Variants in OPCML observed in about 807,000 individuals in gnomAD.
OPCML encodes opioid binding protein/cell adhesion molecule like.
OPCML carries 13 observed loss-of-function variants against 37.8 expected under a neutral mutation model. That is an observed-to-expected ratio of 0.34 (90% CI 0.22 to 0.55). The LOEUF (loss-of-function observed/expected upper bound fraction) is 0.55, where lower values mean the gene tolerates loss of function less well. Ranked by LOEUF, OPCML falls within the 20% of genes least tolerant of loss-of-function variation. The pLI, the probability that OPCML is intolerant of heterozygous loss-of-function variation, is 0.91. For synonymous variants in OPCML, 176 were observed against 168.8 expected, an observed-to-expected ratio of 1.04 and a Z score of -0.33; for missense variants, 341 against 435.6, an observed-to-expected ratio of 0.78 and a Z score of 1.93.
At chr11:133,482,136 T>C (rs1947385121) in intron 1 of OPCML, among the ~76,000 whole-genome samples, 1 of 152,070 alleles carries the variant, frequency 6.6e-6, no homozygotes, top group African/African-American at 2.4e-5. Flanking sequence ...TAACTGAAAA[T>C]TCAGGGAACC....
At chr11:132,529,015 C>A (rs1181741204) in intron 4 of OPCML, 46 bp downstream of exon 4, 13 of 1,259,286 alleles carry the variant, frequency 1.0e-5, no homozygotes, top group Middle Eastern at 1.9e-4. Flanking sequence ...AGAGCCAAGA[C>A]TTTAACATAC....
At chr11:132,484,392 G>A (rs1217150778) in intron 4 of OPCML, among the ~76,000 whole-genome samples, 1 of 152,150 alleles carries the variant, frequency 6.6e-6, no homozygotes, top group African/African-American at 2.4e-5. Context: ...CAGTTAGAAT[G>A]GCAATCATTA....
chr11:132,898,914 T>G (rs1205486906), intron 2 of OPCML, among the ~76,000 whole-genome samples: 2 of 145,324 alleles, frequency 1.4e-5, no homozygotes. Context: ...GCTGACTGGG[T>G]GACTGATCCG....
chr11:132,881,581 C>A (rs2725425), intron 2 of OPCML, among the ~76,000 whole-genome samples: 7,863 of 151,056 alleles, frequency 0.052, 343 homozygotes, highest in South Asian at 0.14. Flanking sequence ...TAGGGCCAGG[C>A]TTTGTACTAA....
In OPCML at chr11:132,525,414, A is replaced by G. The variant is rs979777980; in HGVS notation, c.505+3647T>C. Among the ~76,000 whole-genome samples, 5 of 152,322 alleles carry G rather than the reference A, an allele frequency of 3.3e-5. No homozygotes were observed. The South Asian group carries it at 6.2e-4, about 19-fold the overall frequency. ...GTTTATAGATCCCCAAATTTAAATC[A>G]TATATTTCAAATATTGCATTAGCTA... On this transcript the variant is annotated intron_variant, in intron 4 of 7. Coordinates refer to ENST00000524381, the MANE Select transcript of OPCML (RefSeq NM_001012393.5).
chr11:133,525,675 G>A (rs1394569098), intron 1 of OPCML, among the ~76,000 whole-genome samples: 1 of 152,150 alleles, frequency 6.6e-6, no homozygotes, highest in African/African-American at 2.4e-5. Context: ...TAACTCCCAA[G>A]TGTGGTAAAA....
At chr11:132,435,096 G>T in intron 7 of OPCML, 1 of 958,720 alleles carries the variant, frequency 1.0e-6, no homozygotes, top group Non-Finnish European at 1.5e-6. Flanking sequence ...TTTGAAGTAG[G>T]CTAAAACTCA....
At chr11:132,788,886 C>T (rs1296473750) in intron 2 of OPCML, among the ~76,000 whole-genome samples, 1 of 151,526 alleles carries the variant, frequency 6.6e-6, no homozygotes, top group Non-Finnish European at 1.5e-5. Flanking sequence ...GATTAAACCT[C>T]ATGGCAGCTT....
intron 4 of OPCML, among the ~76,000 whole-genome samples, chr11:132,497,853 T>C (rs1045232894): frequency 6.6e-6 from 1 of 152,178 alleles, no homozygotes; most frequent in East Asian, 1.9e-4. Context: ...CAATGCTATA[T>C]GAAAATGGGA....
chr11:133,431,865 AACTT>A (rs151236871), intron 1 of OPCML, among the ~76,000 whole-genome samples: 2,177 of 150,496 alleles, frequency 0.014, 54 homozygotes, highest in African/African-American at 0.05. Context: ...ATGGTTTTGC[AACTT>A]ACTTTTTTCA....
intron 2 of OPCML, among the ~76,000 whole-genome samples, chr11:132,706,666 C>T (rs1027350829): frequency 3.3e-5 from 5 of 152,088 alleles, no homozygotes; most frequent in Non-Finnish European, 7.4e-5. Flanking sequence ...ACACCACGCC[C>T]CTAAGAGCCC....
chr11:132,595,290 T>A (rs190432467), intron 3 of OPCML, among the ~76,000 whole-genome samples: 104 of 152,136 alleles, frequency 6.8e-4, no homozygotes, highest in African/African-American at 2.4e-3. Context: ...ATATAGCACG[T>A]TGTGCAAGTA....
In OPCML at chr11:132,607,106, G is replaced by A. The variant is rs7350510; in HGVS notation, c.379+49981C>T. Among the ~76,000 whole-genome samples, 690 of 152,324 alleles carry A rather than the reference G, an allele frequency of 4.5e-3. 5 individuals carry two copies. The highest frequency in any genetic ancestry group is 0.017 in the Middle Eastern group (5 of 292). On this transcript the variant is annotated intron_variant, in intron 3 of 7. Coordinates refer to ENST00000524381, the MANE Select transcript of OPCML (RefSeq NM_001012393.5). ...GTGAAGTTACCAGCACCAGCAGGGTGCTTGAGTCACCAGTAGGTGCCCAGC... is the reference window on the plus strand; with the variant it reads ...GTGAAGTTACCAGCACCAGCAGGGTACTTGAGTCACCAGTAGGTGCCCAGC...
rs377628969 is a variant in OPCML, at chr11:132,436,636, T to C, written c.764+23A>G. 7.4e-6 allele frequency: 12 copies of C among 1,613,898 alleles called. No individual in the cohort carries two copies. In the African/African-American group the frequency reaches 1.6e-4, roughly 22 times the overall value. On this transcript the variant is annotated intron_variant, in intron 6 of 7. Transcript: ENST00000524381. ...GACCATCAGCTCTGCTTCAGAACTG[T>C]CCAGGTGTCATTTAAAAGGTACCTG... is the stretch of plus-strand genomic sequence containing the variant.
intron 1 of OPCML, among the ~76,000 whole-genome samples, chr11:133,164,825 C>T (rs1472856936): frequency 6.6e-6 from 1 of 152,202 alleles, no homozygotes; most frequent in East Asian, 1.9e-4. Flanking sequence ...GATCCCTTGC[C>T]TTACATAAAA....
intron 1 of OPCML, among the ~76,000 whole-genome samples, chr11:133,327,100 G>A (rs1381113463): frequency 2.2e-5 from 3 of 134,264 alleles, no homozygotes; most frequent in Non-Finnish European, 4.8e-5. Flanking sequence ...GTGGTGGTGT[G>A]TGTATGTGGG....
At chr11:132,743,174 A>G (rs762939496) in intron 2 of OPCML, among the ~76,000 whole-genome samples, 6 of 152,214 alleles carry the variant, frequency 3.9e-5, no homozygotes, top group African/African-American at 7.2e-5. Flanking sequence ...ACTGGTGAGC[A>G]GAGCCAAGGT....
intron 2 of OPCML, among the ~76,000 whole-genome samples, chr11:132,729,904 C>T (rs1430486829): frequency 1.3e-5 from 2 of 151,490 alleles, no homozygotes; most frequent in Non-Finnish European, 2.9e-5. Flanking sequence ...CAAAGGGATG[C>T]TTTTCCAGGA....
At chr11:132,570,960 G>A (rs1309951447) in intron 3 of OPCML, among the ~76,000 whole-genome samples, 3 of 151,428 alleles carry the variant, frequency 2.0e-5, no homozygotes, top group African/African-American at 7.3e-5. Context: ...GTGTCTGTGA[G>A]GGTGTTGCCA....
Sources: gnomAD v4.1 joint callset for allele counts (sites outside exome capture counted in the v4.1 genomes callset) on GRCh38, gnomAD v4.1.1 for gene constraint, MANE v1.5 for transcripts, NCBI Gene and HGNC (gene_info 2026-07-23, HGNC 2026-07-21) for gene names.